ANKS1B: variants seen among roughly 807,000 people sequenced by gnomAD.
ANKS1B encodes ankyrin repeat and sterile alpha motif domain containing 1B, also known as ankyrin repeat and sterile alpha motif domain-containing protein 1B.
A neutral mutation model predicts 148.3 loss-of-function variants in ANKS1B; 36 were observed. The observed-to-expected ratio is 0.24, with a 90% CI of 0.19 to 0.32. The LOEUF (loss-of-function observed/expected upper bound fraction) is 0.32, where lower values mean the gene tolerates loss of function less well. Ranked by LOEUF, ANKS1B falls within the 10% of genes least tolerant of loss-of-function variation. The pLI, the probability that ANKS1B is intolerant of heterozygous loss-of-function variation, is 1.00. For missense variants in ANKS1B, 1,157 were observed against 1,542.6 expected, an observed-to-expected ratio of 0.75 and a Z score of 4.19; for synonymous variants, 542 against 560.8, an observed-to-expected ratio of 0.97 and a Z score of 0.47.
chr12:99,816,682 A>G (rs1402494404), intron 2 of ANKS1B, among the ~76,000 whole-genome samples: 2 of 151,784 alleles, frequency 1.3e-5, no homozygotes, highest in African/African-American at 4.8e-5. Context: ...CCCTGATCAA[A>G]TAAGTATCTG....
At chr12:99,498,265 C>A (rs754928562) in intron 10 of ANKS1B, among the ~76,000 whole-genome samples, 4 of 152,196 alleles carry the variant, frequency 2.6e-5, no homozygotes, top group Non-Finnish European at 5.9e-5. Flanking sequence ...CCTGATCATG[C>A]CATGTTCACT....
chr12:98,745,628 C>T lies in ANKS1B; in HGVS notation c.*111G>A. The T allele has an allele frequency of 6.8e-7, 1 of 1,475,558 alleles. No individual in the cohort carries two copies. The highest frequency in any genetic ancestry group is 2.5e-5 in the East Asian group (1 of 39,676). The allele number at this position is 1,475,558 out of a possible 1,614,324, so 91.4% of individuals were successfully genotyped here. A position where few individuals can be genotyped will look rare whatever the true frequency, so the allele number is the denominator to read the frequency against. ...GCCTTTCGCCCGTAACAAGGCCGCACGCTCAGAGCAGTCTTCCTCCTGGGC... is the reference window on the plus strand; with the variant it reads ...GCCTTTCGCCCGTAACAAGGCCGCATGCTCAGAGCAGTCTTCCTCCTGGGC... On this transcript the variant is annotated 3_prime_UTR_variant, in exon 27 of 27. Transcript: ENST00000683438.
intron 11 of ANKS1B, among the ~76,000 whole-genome samples, chr12:99,443,278 T>G (rs2095580593): frequency 6.6e-6 from 1 of 151,962 alleles, no homozygotes; most frequent in African/African-American, 2.4e-5. Context: ...TCACTTGGGT[T>G]GGAAGACAGA....
intron 1 of ANKS1B, among the ~76,000 whole-genome samples, chr12:99,865,445 G>A (rs1178953782): frequency 6.6e-6 from 1 of 152,188 alleles, no homozygotes; most frequent in Non-Finnish European, 1.5e-5. Context: ...AGTGTTTGAA[G>A]AAGTGCAACA....
chr12:99,548,775 C>T (rs184270470), intron 9 of ANKS1B, among the ~76,000 whole-genome samples: 73 of 152,150 alleles, frequency 4.8e-4, no homozygotes, highest in Admixed American at 1.7e-3. Flanking sequence ...CTTTGATGAA[C>T]CATTAAAAAA....
intron 12 of ANKS1B, among the ~76,000 whole-genome samples, chr12:99,359,005 G>A (rs1010253653): frequency 6.6e-6 from 1 of 152,132 alleles, no homozygotes; most frequent in Non-Finnish European, 1.5e-5. Flanking sequence ...AATCTAAAGT[G>A]TGTGAGATAT....
chr12:99,969,752 A>G (rs951293962), intron 1 of ANKS1B, among the ~76,000 whole-genome samples: 1 of 152,246 alleles, frequency 6.6e-6, no homozygotes, highest in Admixed American at 6.5e-5. Flanking sequence ...ATTTTAACAT[A>G]AGATATGCAT....
At chr12:98,956,375 G>A (rs773701222) in intron 17 of ANKS1B, 3 of 151,992 alleles carry the variant, frequency 2.0e-5, no homozygotes, top group African/African-American at 7.3e-5. Context: ...GTCTCCAATC[G>A]ATCCTTCACA....
intron 8 of ANKS1B, among the ~76,000 whole-genome samples, chr12:99,661,011 C>G (rs976296140): frequency 2.6e-5 from 4 of 151,894 alleles, no homozygotes; most frequent in Non-Finnish European, 4.4e-5. Flanking sequence ...TAACGAAAGC[C>G]CACCAAGAGT....
intron 12 of ANKS1B, among the ~76,000 whole-genome samples, chr12:99,369,250 A>G (rs1297296840): frequency 6.6e-6 from 1 of 152,210 alleles, no homozygotes; most frequent in African/African-American, 2.4e-5. Flanking sequence ...CAAATGCTTA[A>G]GCTAGATGTG....
intron 17 of ANKS1B, among the ~76,000 whole-genome samples, chr12:98,937,142 G>T (rs368447122): frequency 6.6e-6 from 1 of 152,202 alleles, no homozygotes. Context: ...GAGCAGGATG[G>T]TTCATTCGGG....
At chr12:98,741,104 C>T (rs569862202), downstream of ANKS1B, among the ~76,000 whole-genome samples, 2 of 152,318 alleles carry the variant, frequency 1.3e-5, no homozygotes, top group South Asian at 2.1e-4. Flanking sequence ...ACCCCTGCCT[C>T]GTTTAAGACA....
intron 17 of ANKS1B, among the ~76,000 whole-genome samples, chr12:98,916,396 G>C (rs2099794466): frequency 6.6e-6 from 1 of 152,222 alleles, no homozygotes; most frequent in Non-Finnish European, 1.5e-5. Context: ...CACGTTTAAG[G>C]AGGTGGTGGA....
At chr12:99,527,263 A>G (rs1293988103) in intron 9 of ANKS1B, among the ~76,000 whole-genome samples, 1 of 152,204 alleles carries the variant, frequency 6.6e-6, no homozygotes, top group Non-Finnish European at 1.5e-5. Flanking sequence ...TTAGCATTTT[A>G]ACATATTTAC....
intron 12 of ANKS1B, among the ~76,000 whole-genome samples, chr12:99,259,502 C>T (rs1266917284): frequency 6.6e-6 from 1 of 152,204 alleles, no homozygotes; most frequent in Admixed American, 6.5e-5. Context: ...GACAGCAGAC[C>T]ATGCTGTTTG....
chr12:99,476,842 C>T (rs896907191), intron 10 of ANKS1B, among the ~76,000 whole-genome samples: 4 of 152,074 alleles, frequency 2.6e-5, no homozygotes, highest in African/African-American at 4.8e-5. Flanking sequence ...CTGCAATTAA[C>T]GTGTCAATTG....
chr12:99,689,305 T>A (rs2098666647), intron 8 of ANKS1B, among the ~76,000 whole-genome samples: 1 of 152,196 alleles, frequency 6.6e-6, no homozygotes, highest in African/African-American at 2.4e-5. Flanking sequence ...GAAACCAGGC[T>A]AACAATTAGA....
chr12:99,203,687 G>A (rs1039272572), intron 14 of ANKS1B, among the ~76,000 whole-genome samples: 2 of 152,188 alleles, frequency 1.3e-5, no homozygotes, highest in Admixed American at 6.5e-5. Flanking sequence ...TCCTGACCTC[G>A]TGATCCACCC....
intron 1 of ANKS1B, among the ~76,000 whole-genome samples, chr12:99,838,440 A>T (rs1445189778): frequency 6.6e-6 from 1 of 152,102 alleles, no homozygotes; most frequent in African/African-American, 2.4e-5. Context: ...TTCTATGAGT[A>T]GCTTGTTTAT....
Sources: gnomAD v4.1 joint callset for allele counts (sites outside exome capture counted in the v4.1 genomes callset) on GRCh38, gnomAD v4.1.1 for gene constraint, MANE v1.5 for transcripts, NCBI Gene and HGNC (gene_info 2026-07-23, HGNC 2026-07-21) for gene names.